MAD1L1: variants seen among roughly 807,000 people sequenced by gnomAD.
The protein encoded by MAD1L1 is mitotic spindle assembly checkpoint protein MAD1.
A neutral mutation model predicts 96.9 loss-of-function variants in MAD1L1; 95 were observed. The observed-to-expected ratio is 0.98, with a 90% CI of 0.83 to 1.16. The LOEUF (loss-of-function observed/expected upper bound fraction) is 1.16, where lower values mean the gene tolerates loss of function less well. MAD1L1 is among the 50% of genes most tolerant of loss of function. The pLI is 0.00. For missense variants in MAD1L1, 1,007 were observed against 954.4 expected (o/e 1.06, Z -0.73); for synonymous variants, 473 against 396.6 (o/e 1.19, Z -2.29).
intron 10 of MAD1L1, among the ~76,000 whole-genome samples, chr7:2,197,339 C>T (rs1159628766): frequency 1.3e-5 from 2 of 152,190 alleles, no homozygotes; most frequent in African/African-American, 4.8e-5. Context: ...CAGCCCCTGA[C>T]TTATAGCTGT....
At chr7:2,220,880 G>T (rs754107594) in intron 5 of MAD1L1, 1 of 1,607,942 alleles carries the variant, frequency 6.2e-7, no homozygotes, top group African/African-American at 1.3e-5. Context: ...CAATTAATAC[G>T]CACCGTGTGC....
intron 18 of MAD1L1, chr7:1,844,239 C>A (rs1013867426): frequency 6.5e-6 from 1 of 154,452 alleles, no homozygotes; most frequent in Non-Finnish European, 1.5e-5. Flanking sequence ...TCTGCCATCC[C>A]CGGTGTGCCC....
intron 18 of MAD1L1, among the ~76,000 whole-genome samples, chr7:1,858,696 G>C (rs1784377820): frequency 6.6e-6 from 1 of 152,224 alleles, no homozygotes; most frequent in Admixed American, 6.5e-5. Flanking sequence ...ATGGTGGCGA[G>C]GACGCATGGG....
intron 11 of MAD1L1, among the ~76,000 whole-genome samples, chr7:2,131,698 C>T (rs1212395136): frequency 2.6e-5 from 4 of 152,166 alleles, no homozygotes; most frequent in African/African-American, 9.7e-5. Flanking sequence ...AGGTGTGTCC[C>T]CCAGGCCCAC....
intron 17 of MAD1L1, among the ~76,000 whole-genome samples, chr7:1,931,130 T>C (rs11982272): frequency 0.033 from 2,728 of 83,356 alleles, 42 homozygotes; most frequent in South Asian, 0.07. Context: ...GGTCTGCTGA[T>C]GCTGTGGGAA....
At chr7:1,942,444 C>T (rs979550954) in intron 16 of MAD1L1, among the ~76,000 whole-genome samples, 2 of 152,194 alleles carry the variant, frequency 1.3e-5, no homozygotes, top group South Asian at 2.1e-4. Context: ...GGAGCCCGCG[C>T]GCCACACATT....
chr7:2,231,736 T>G lies in MAD1L1; in HGVS notation c.-189-1009A>C, dbSNP rs1471880071. Among the ~76,000 whole-genome samples the G allele has an allele frequency of 2.6e-5, 4 of 152,348 alleles. No homozygotes were observed. In the East Asian group the frequency reaches 5.8e-4, roughly 22 times the overall value. ...TTTTCATTGTTTATTTCTAGTGACA[T>G]TAATAAGTACTACTACTATTTTCAA... On this transcript the variant is annotated intron_variant, in intron 1 of 18. Coordinates refer to ENST00000265854, the MANE Select transcript of MAD1L1 (RefSeq NM_001013836.2).
intron 18 of MAD1L1, among the ~76,000 whole-genome samples, chr7:1,887,174 C>T (rs1205586477): frequency 6.6e-6 from 1 of 152,260 alleles, no homozygotes. Flanking sequence ...GAAGCAGGTG[C>T]CACATGGGAC....
intron 16 of MAD1L1, among the ~76,000 whole-genome samples, chr7:1,938,870 AC>A (rs1778769581): frequency 8.4e-6 from 1 of 119,164 alleles, no homozygotes; most frequent in African/African-American, 3.1e-5. Flanking sequence ...ACACACACAC[AC>A]GGACACAGTC....
At chr7:1,929,718 G>GCCCCATCCCCCACTGCCACGTCCCCTCGC (rs201388728) in intron 17 of MAD1L1, among the ~76,000 whole-genome samples, 1 of 97,612 alleles carries the variant, frequency 1.0e-5, no homozygotes, top group African/African-American at 3.7e-5. Flanking sequence ...ACGTCCCCTC[G>GCCCCATCCCCCACTGCCACGTCCCCTCGC]CCCATCCCCC....
intron 17 of MAD1L1, among the ~76,000 whole-genome samples, chr7:1,901,915 T>C (rs529646846): frequency 1.3e-5 from 2 of 152,220 alleles, no homozygotes; most frequent in East Asian, 3.9e-4. Context: ...GACCCCTGCT[T>C]TGGGCAGAAC....
intron 11 of MAD1L1, among the ~76,000 whole-genome samples, chr7:2,112,703 C>T (rs1386085910): frequency 6.6e-6 from 1 of 152,164 alleles, no homozygotes; most frequent in African/African-American, 2.4e-5. Flanking sequence ...GCCCTGGGGC[C>T]CTGACACACC....
In MAD1L1 at chr7:2,088,629, G is replaced by A. The variant is rs1584290893; in HGVS notation, c.1074-19291C>T. Among the ~76,000 whole-genome samples the A allele has an allele frequency of 2.0e-5, 3 of 152,344 alleles. No homozygotes were observed. Among genetic ancestry groups the A allele is most frequent in the South Asian group, 2.1e-4 (1 of 4,830 alleles). On this transcript the variant is annotated intron_variant, in intron 11 of 18. Transcript: ENST00000265854. The surrounding 1 kb of genome is among the most constrained non-coding windows in gnomAD (Gnocchi z 4.4). The stretch of plus-strand genomic sequence containing the variant: ...CCAGCACTCAGCAGTGGCCATGAGC[G>A]AGAGGCAGCAAGGGGACGGGTGGAG...
chr7:1,992,158 G>T, intron 14 of MAD1L1, among the ~76,000 whole-genome samples: 2 of 149,090 alleles, frequency 1.3e-5, no homozygotes, highest in African/African-American at 2.5e-5. Context: ...CCCCACCAGA[G>T]CGCCACTGCT....
At chr7:1,873,348 C>T (rs1332256557) in intron 18 of MAD1L1, among the ~76,000 whole-genome samples, 1 of 151,980 alleles carries the variant, frequency 6.6e-6, no homozygotes, top group East Asian at 1.9e-4. Context: ...GTTGTAATTA[C>T]AGCAAGAGGG....
chr7:1,993,169 G>A (rs1019390266), intron 14 of MAD1L1, among the ~76,000 whole-genome samples: 2 of 152,146 alleles, frequency 1.3e-5, no homozygotes, highest in Non-Finnish European at 2.9e-5. Context: ...CGCCCCCAAC[G>A]CCCAAAAGAT....
At chr7:1,887,000 G>C (rs62436669) in intron 18 of MAD1L1, among the ~76,000 whole-genome samples, 1 of 152,344 alleles carries the variant, frequency 6.6e-6, no homozygotes, top group African/African-American at 2.4e-5. Flanking sequence ...GCATGGCAGC[G>C]GCAGGGAGAA....
intron 11 of MAD1L1, among the ~76,000 whole-genome samples, chr7:2,091,931 A>G (rs1786237228): frequency 1.3e-5 from 2 of 152,240 alleles, no homozygotes. Flanking sequence ...GTTAACTATG[A>G]ATAAACCTGC....
chr7:1,895,004 G>A (rs563251529), intron 18 of MAD1L1, among the ~76,000 whole-genome samples: 71 of 152,254 alleles, frequency 4.7e-4, no homozygotes, highest in African/African-American at 1.6e-3. Context: ...CGGCAGACTC[G>A]CCTGTCAGGA....
Sources: allele counts gnomAD v4.1 joint callset (sites outside exome capture counted in the v4.1 genomes callset), GRCh38; gene constraint gnomAD v4.1.1; non-coding constraint Gnocchi (gnomAD v3.1); transcripts MANE v1.5; gene names NCBI Gene and HGNC (gene_info 2026-07-23, HGNC 2026-07-21).